The following FUNDC1 variants were observed in gnomAD, a reference collection of about 807,000 sequenced individuals.
FUNDC1 encodes FUN14 domain containing 1.
In FUNDC1, 10 loss-of-function variants were observed where a neutral mutation model predicts 14.5. The ratio of observed to expected loss-of-function variants is 0.69; its 90% confidence interval spans 0.43 to 1.17. FUNDC1 has a LOEUF of 1.17. FUNDC1 is among the 50% of genes most tolerant of loss of function. FUNDC1 has a pLI of 0.00. For synonymous variants in FUNDC1, 33 were observed against 39.7 expected, an observed-to-expected ratio of 0.83 and a Z score of 0.64; for missense variants, 115 against 113.8, an observed-to-expected ratio of 1.01 and a Z score of -0.05.
chrX:44,525,647 G>C (rs1284346813), intron 4 of FUNDC1, among the ~76,000 whole-genome samples: 1 of 109,285 alleles, frequency 9.2e-6, no homozygotes, highest in Non-Finnish European at 1.9e-5. Context: ...TTGAGCCCAG[G>C]AGTTTGAGAC....
At chrX:44,531,333 C>T (rs865954842) in intron 3 of FUNDC1, among the ~76,000 whole-genome samples, 1 of 69,553 alleles carries the variant, frequency 1.4e-5, no homozygotes, top group Non-Finnish European at 2.4e-5. Flanking sequence ...CACACACACA[C>T]ACACACACAC....
chrX:44,530,839 C>T (rs1002628114), intron 3 of FUNDC1, among the ~76,000 whole-genome samples: 4 of 109,496 alleles, frequency 3.7e-5, no homozygotes, highest in East Asian at 2.9e-4. Flanking sequence ...AATCAGGAGG[C>T]GGTTCTTGAA....
Position 44,537,122 on chromosome X carries a change from T to C in FUNDC1, c.261+1345A>G, listed in dbSNP as rs1035286765. Among the ~76,000 whole-genome samples the C allele has an allele frequency of 5.4e-5, 6 of 112,003 alleles. No individual in the cohort carries two copies. In the Admixed American group the frequency reaches 5.8e-4, roughly 11 times the overall value. ...TGGTTTGATGCAGATAGGTCCTATG[T>C]TGCTCTGCCTTAAAAACTTCAAAGA... On this transcript the variant is annotated intron_variant, in intron 3 of 4. Transcript: ENST00000378045.
chrX:44,529,012 A>G (rs958457310), intron 3 of FUNDC1, among the ~76,000 whole-genome samples: 5 of 112,165 alleles, frequency 4.5e-5, no homozygotes, highest in Admixed American at 2.9e-4. Flanking sequence ...AATATTATCT[A>G]TACCACCACT....
At chrX:44,537,768 C>T (rs780565632) in intron 3 of FUNDC1, among the ~76,000 whole-genome samples, 25 of 111,580 alleles carry the variant, frequency 2.2e-4, no homozygotes, top group Middle Eastern at 4.6e-3. Context: ...CACATTCATT[C>T]GTAGAGATTT....
At chrX:44,526,302 T>G (rs747933601) in intron 4 of FUNDC1, among the ~76,000 whole-genome samples, 2 of 109,293 alleles carry the variant, frequency 1.8e-5, no homozygotes, top group Non-Finnish European at 3.8e-5. Flanking sequence ...AGGTGGCGCG[T>G]GCCTGTAATT....
chrX:44,536,558 A>G (rs2038950071), intron 3 of FUNDC1, among the ~76,000 whole-genome samples: 1 of 111,696 alleles, frequency 9.0e-6, no homozygotes, highest in Non-Finnish European at 1.9e-5. Context: ...TTGGGGAAGT[A>G]TAGGGAAAAC....
At chrX:44,533,658 C>CAA (rs2038936158) in intron 3 of FUNDC1, among the ~76,000 whole-genome samples, 5 of 81,731 alleles carry the variant, frequency 6.1e-5, no homozygotes, top group African/African-American at 2.5e-4. Context: ...AACAACAAAA[C>CAA]AACAACAACA....
chrX:44,538,082 A>T (rs748546698), intron 3 of FUNDC1, among the ~76,000 whole-genome samples: 7 of 112,229 alleles, frequency 6.2e-5, no homozygotes, highest in Non-Finnish European at 1.3e-4. Context: ...CCTGGGTTCA[A>T]GCAATTCTCC....
intron 2 of FUNDC1, among the ~76,000 whole-genome samples, chrX:44,539,275 C>T: frequency 8.9e-6 from 1 of 112,169 alleles, no homozygotes; most frequent in Non-Finnish European, 1.9e-5. Flanking sequence ...TCCTATATTT[C>T]TAACTCTAGC....
intron 2 of FUNDC1, 137 bp from the exon 3 acceptor site, chrX:44,538,679 C>T: frequency 2.2e-6 from 1 of 457,534 alleles, no homozygotes. Flanking sequence ...GCTCAGAAAC[C>T]TTCTCAGAAA....
intron 3 of FUNDC1, among the ~76,000 whole-genome samples, chrX:44,528,051 A>G (rs1345057347): frequency 1.8e-5 from 2 of 111,956 alleles, no homozygotes; most frequent in African/African-American, 3.2e-5. Flanking sequence ...AGAGACTGCA[A>G]TATCTGAACA....
At chrX:44,534,178 C>G (rs192010711) in intron 3 of FUNDC1, among the ~76,000 whole-genome samples, 71 of 108,782 alleles carry the variant, frequency 6.5e-4, no homozygotes, top group African/African-American at 2.4e-3. Flanking sequence ...TATTAGTGTT[C>G]TACCAAATCT....
intron 2 of FUNDC1, among the ~76,000 whole-genome samples, chrX:44,539,663 A>G (rs1040141102): frequency 1.3e-4 from 15 of 111,190 alleles, no homozygotes; most frequent in African/African-American, 4.9e-4. Context: ...CTGTTATTTA[A>G]TTTAATTAAT....
intron 3 of FUNDC1, among the ~76,000 whole-genome samples, chrX:44,533,785 C>T (rs1008854311): frequency 3.6e-5 from 4 of 109,912 alleles, no homozygotes; most frequent in Non-Finnish European, 5.7e-5. Flanking sequence ...GAACAACAGC[C>T]GGGCATGGTG....
At chrX:44,533,795 G>C (rs546295644) in intron 3 of FUNDC1, among the ~76,000 whole-genome samples, 1 of 109,975 alleles carries the variant, frequency 9.1e-6, no homozygotes, top group East Asian at 2.8e-4. Flanking sequence ...CGGGCATGGT[G>C]GCTCACATTT....
intron 1 of FUNDC1, chrX:44,542,403 A>G: frequency 2.7e-6 from 1 of 368,293 alleles, no homozygotes. Flanking sequence ...TCCAAACCTT[A>G]GTAGGGTCAA....
rs1208978831 is a variant in FUNDC1 at position 44,531,284 on chromosome X, ACGGCTTTCAGATGAAGATTCATGTTGGC to A, written c.262-3947_262-3920del. On this transcript the variant is annotated intron_variant, in intron 3 of 4. Coordinates refer to ENST00000378045, the MANE Select transcript of FUNDC1 (RefSeq NM_173794.4). Reference sequence around the variant, plus strand: ...CACACACACACACACACACACACACACGGCTTTCAGATGAAGATTCATGTTGGCCAGACACACACACACACACACACAC... The same window carrying A: ...CACACACACACACACACACACACACACAGACACACACACACACACACACAC... Among the ~76,000 whole-genome samples the A allele has an allele frequency of 1.6e-3, 84 of 52,443 alleles. 8 individuals are homozygous for A. In the African/African-American group the frequency reaches 0.016, roughly 10 times the overall value. 45.5% of individuals were successfully genotyped at this position (52,443 alleles called of 115,157 possible). A position where few individuals can be genotyped will look rare whatever the true frequency, so the allele number is the denominator to read the frequency against.
At chrX:44,524,327 A>C in intron 4 of FUNDC1, 52 bp from the exon 5 acceptor site, 2 of 812,108 alleles carry the variant, frequency 2.5e-6, no homozygotes, top group Non-Finnish European at 3.7e-6. Context: ...AACAGGGATG[A>C]ACCTTGAAAA....
Sources: gnomAD v4.1 joint callset for allele counts (sites outside exome capture counted in the v4.1 genomes callset) on GRCh38, gnomAD v4.1.1 for gene constraint, MANE v1.5 for transcripts, NCBI Gene and HGNC (gene_info 2026-07-23, HGNC 2026-07-21) for gene names.